Variants in DZANK1 observed in about 807,000 individuals in gnomAD.
DZANK1 encodes double zinc ribbon and ankyrin repeat-containing protein 1.
In DZANK1, 91 loss-of-function variants were observed where a neutral mutation model predicts 94.5. That is an observed-to-expected ratio of 0.96 (90% CI 0.81 to 1.15). DZANK1 has a LOEUF of 1.15. Ranked by LOEUF, DZANK1 falls within the 50% of genes most tolerant of loss-of-function variation. The pLI is 0.00. For synonymous variants in DZANK1, 312 were observed against 325.3 expected, an observed-to-expected ratio of 0.96 and a Z score of 0.44; for missense variants, 903 against 916.4, an observed-to-expected ratio of 0.99 and a Z score of 0.19.
At chr20:18,393,845 C>T (rs1381944466) in intron 16 of DZANK1, 34 bp from the exon 17 acceptor site, 2 of 1,408,076 alleles carry the variant, frequency 1.4e-6, no homozygotes, top group African/African-American at 1.4e-5. Context: ...AAAATGATGC[C>T]CCTCCCCCAA....
At chr20:18,406,503 G>A (rs941664860) in intron 13 of DZANK1, among the ~76,000 whole-genome samples, 11 of 152,220 alleles carry the variant, frequency 7.2e-5, no homozygotes, top group Middle Eastern at 3.2e-3. Context: ...GGGATTGATC[G>A]TCTGCTGACT....
chr20:18,390,570 G>A, intron 17 of DZANK1, 111 bp from the exon 18 acceptor site: 1 of 935,916 alleles, frequency 1.1e-6, no homozygotes, highest in South Asian at 1.4e-5. Context: ...GACTATGAGT[G>A]TGTGCATGTG....
At chr20:18,452,581 T>A in intron 6 of DZANK1, 34 bp downstream of exon 6, 2 of 1,566,474 alleles carry the variant, frequency 1.3e-6, no homozygotes, top group Non-Finnish European at 1.7e-6. Flanking sequence ...ATAGGAGGTA[T>A]TTGAATACCC....
At chr20:18,434,180 A>T (rs2031868749) in intron 8 of DZANK1, among the ~76,000 whole-genome samples, 1 of 152,164 alleles carries the variant, frequency 6.6e-6, no homozygotes, top group Non-Finnish European at 1.5e-5. Flanking sequence ...GATGTTAAAA[A>T]AAAAAAGAAA....
chr20:18,455,435 T>C, intron 3 of DZANK1, 74 bp from the exon 4 acceptor site: 1 of 1,025,644 alleles, frequency 9.7e-7, no homozygotes, highest in Non-Finnish European at 1.4e-6. Flanking sequence ...AACAAGATGA[T>C]TTTATTAAAG....
intron 9 of DZANK1, chr20:18,428,478 T>A (rs2058150164): frequency 6.6e-6 from 1 of 152,426 alleles, no homozygotes; most frequent in African/African-American, 2.4e-5. Context: ...TGAGCCACCG[T>A]GCCCGGCCGT....
At chr20:18,396,326 A>G in intron 15 of DZANK1, 146 bp downstream of exon 15, 1 of 613,222 alleles carries the variant, frequency 1.6e-6, no homozygotes, top group South Asian at 2.1e-5. Context: ...TGTTTATCTA[A>G]TTCTATGAAA....
chr20:18,443,502 TG>T (rs1053436624), intron 7 of DZANK1, 38 bp from the exon 8 acceptor site: 47 of 1,176,386 alleles, frequency 4.0e-5, no homozygotes, highest in Non-Finnish European at 5.1e-5. Context: ...CATGTTCTGG[TG>T]GGCCCACATT....
intron 19 of DZANK1, among the ~76,000 whole-genome samples, chr20:18,389,460 T>C (rs1158246918): frequency 6.6e-6 from 1 of 152,206 alleles, no homozygotes; most frequent in African/African-American, 2.4e-5. Context: ...ATTAACAAAA[T>C]GTATCATCAT....
chr20:18,412,042 G>A (rs984792788), intron 13 of DZANK1, among the ~76,000 whole-genome samples: 7 of 152,058 alleles, frequency 4.6e-5, no homozygotes, highest in Admixed American at 2.0e-4. Context: ...TTTCCAAAAC[G>A]TCCCGCCACT....
At chr20:18,384,914 G>T in intron 20 of DZANK1, 102 bp downstream of exon 20, 1 of 1,147,190 alleles carries the variant, frequency 8.7e-7, no homozygotes, top group Non-Finnish European at 1.3e-6. Flanking sequence ...CCATGGACAG[G>T]GACAGCAGTT....
exon 14 of DZANK1, chr20:18,398,553 C>G: frequency 6.2e-7 from 1 of 1,613,902 alleles, no homozygotes; most frequent in Non-Finnish European, 8.5e-7. Context: ...CAATCAAGGC[C>G]CGGAATTCAG....
At chr20:18,390,419 C>T (rs2055896662) in exon 18 of DZANK1, 2 of 1,613,854 alleles carry the variant, frequency 1.2e-6, no homozygotes, top group African/African-American at 2.7e-5. Context: ...TCTTCCTTCC[C>T]CCGTGGGTCC....
At chr20:18,386,076 C>T (rs1004782110) in intron 19 of DZANK1, among the ~76,000 whole-genome samples, 1 of 152,218 alleles carries the variant, frequency 6.6e-6, no homozygotes. Context: ...TCTGCCCCTG[C>T]TCCTTCCTTT....
intron 17 of DZANK1, among the ~76,000 whole-genome samples, chr20:18,393,508 A>G (rs2056141226): frequency 6.6e-6 from 1 of 152,236 alleles, no homozygotes; most frequent in Admixed American, 6.5e-5. Context: ...TGATTCAGGA[A>G]ACTGATGGGA....
chr20:18,384,508 G>T, exon 21 of DZANK1: 1 of 1,611,848 alleles, frequency 6.2e-7, no homozygotes, highest in Non-Finnish European at 8.5e-7. Context: ...AGTGTTCAGA[G>T]CCAGGTCGTA....
At chr20:18,464,308 A>G (rs1156438903) in intron 2 of DZANK1, among the ~76,000 whole-genome samples, 5 of 152,100 alleles carry the variant, frequency 3.3e-5, no homozygotes, top group African/African-American at 9.7e-5. Flanking sequence ...CACCTGCCTC[A>G]GCCTCCCAAA....
At chr20:18,427,067 C>T (rs6111950) in exon 10 of DZANK1, 1 of 1,608,294 alleles carries the variant, frequency 6.2e-7, no homozygotes, top group East Asian at 2.2e-5. Flanking sequence ...ATCAACCTAC[C>T]TCTTGTGATG....
chr20:18,447,729 T>C (rs529972120), intron 7 of DZANK1, among the ~76,000 whole-genome samples: 1 of 152,208 alleles, frequency 6.6e-6, no homozygotes, highest in Non-Finnish European at 1.5e-5. Flanking sequence ...ACATCATTAG[T>C]CACTAGGGAA....
Sources: allele counts gnomAD v4.1 joint callset (sites outside exome capture counted in the v4.1 genomes callset), GRCh38; gene constraint gnomAD v4.1.1; transcripts MANE v1.5; gene names NCBI Gene and HGNC (gene_info 2026-07-23, HGNC 2026-07-21).